CTTN: variants seen among roughly 807,000 people sequenced by gnomAD.
CTTN encodes src substrate cortactin.
CTTN carries 28 observed loss-of-function variants against 84.0 expected under a neutral mutation model. That is an observed-to-expected ratio of 0.33 (90% CI 0.25 to 0.46). The LOEUF is 0.46. Ranked by LOEUF, CTTN falls within the 20% of genes least tolerant of loss-of-function variation. The pLI, the probability that CTTN is intolerant of heterozygous loss-of-function variation, is 1.00. For missense variants in CTTN, 641 were observed against 723.8 expected (o/e 0.89, Z 1.31); for synonymous variants, 301 against 288.8 (o/e 1.04, Z -0.43).
chr11:70,414,498 A>G (rs910079003), intron 5 of CTTN, 44 bp from the exon 6 acceptor site: 10 of 1,400,956 alleles, frequency 7.1e-6, no homozygotes, highest in Non-Finnish European at 9.1e-6. Flanking sequence ...GAAGCGCCGC[A>G]GTGTTGTTGG....
intron 13 of CTTN, among the ~76,000 whole-genome samples, chr11:70,425,675 A>G (rs2058292724): frequency 6.6e-6 from 1 of 152,180 alleles, no homozygotes; most frequent in Non-Finnish European, 1.5e-5. Flanking sequence ...GTGCACATTC[A>G]CAAGGGCCTC....
intron 1 of CTTN, among the ~76,000 whole-genome samples, chr11:70,399,317 G>T (rs1196461525): frequency 6.8e-6 from 1 of 148,124 alleles, no homozygotes; most frequent in Non-Finnish European, 1.5e-5. Context: ...TCGGGGCTCG[G>T]AGGAAAGGTA....
intron 5 of CTTN, among the ~76,000 whole-genome samples, chr11:70,413,206 C>T (rs746917413): frequency 6.6e-5 from 10 of 152,220 alleles, no homozygotes; most frequent in Non-Finnish European, 1.0e-4. Flanking sequence ...GCGTCAGCAC[C>T]GGTGTGGGAT....
At chr11:70,413,268 G>A (rs531447468) in intron 5 of CTTN, among the ~76,000 whole-genome samples, 27 of 152,348 alleles carry the variant, frequency 1.8e-4, no homozygotes, top group Non-Finnish European at 3.1e-4. Flanking sequence ...TAGAGGGAGT[G>A]AGAAGAGGGG....
intron 1 of CTTN, among the ~76,000 whole-genome samples, chr11:70,400,850 C>A (rs61341131): frequency 0.17 from 25,798 of 152,214 alleles, 2,381 homozygotes; most frequent in African/African-American, 0.22. Context: ...CATCTGCTCA[C>A]GCACTGCTTT....
rs1242581865 is a variant in CTTN, at chr11:70,398,608, G to A, written c.-104G>A. 1.3e-5 allele frequency: 2 copies of A among 152,136 alleles called. No individual in the cohort carries two copies. Among genetic ancestry groups the A allele is most frequent in the Non-Finnish European group, 2.9e-5 (2 of 68,056 alleles). 9.4% of individuals were successfully genotyped at this position (152,136 alleles called of 1,614,324 possible). On this transcript the variant is annotated 5_prime_UTR_variant, in exon 1 of 18. Transcript: ENST00000301843. ...GCCGACCCGGGCCGGACCGACCCCA[G>A]GCGGCGGTGAGCGAGCGCGGCGTCC...
At chr11:70,404,456 T>G (rs1257952668) in intron 1 of CTTN, among the ~76,000 whole-genome samples, 1 of 152,128 alleles carries the variant, frequency 6.6e-6, no homozygotes, top group Non-Finnish European at 1.5e-5. Flanking sequence ...GCAGCCCGCC[T>G]CCTCCTCGGC....
rs143852460 is a variant in CTTN, at chr11:70,410,405, A to G, written c.291+445A>G. On this transcript the variant is annotated intron_variant, in intron 5 of 17. Transcript: ENST00000301843. ...GCCAAAGGCCTGGCTAACATCCTTC[A>G]TGCGTTCAGTGACCATCAGAGCAGT... The G allele has an allele frequency of 2.7e-3, 470 of 174,868 alleles. 5 individuals carry two copies. Among genetic ancestry groups the G allele is most frequent in the African/African-American group, 0.01 (447 of 42,786 alleles). 10.8% of individuals were successfully genotyped at this position (174,868 alleles called of 1,614,324 possible). A position where few individuals can be genotyped will look rare whatever the true frequency, so the allele number is the denominator to read the frequency against.
At chr11:70,433,328 G>A in intron 16 of CTTN, 50 bp downstream of exon 16, 1 of 1,529,682 alleles carries the variant, frequency 6.5e-7, no homozygotes, top group South Asian at 1.2e-5. Flanking sequence ...GGAGCTCCCG[G>A]GACATCCTGC....
chr11:70,431,314 G>A (rs2058352148), intron 15 of CTTN, 34 bp downstream of exon 15: 1 of 1,601,564 alleles, frequency 6.2e-7, no homozygotes, highest in Admixed American at 1.7e-5. Flanking sequence ...GAGCGTGAGT[G>A]ACTTACTGCC....
chr11:70,423,461 C>T (rs1463245843), intron 12 of CTTN, among the ~76,000 whole-genome samples: 1 of 152,232 alleles, frequency 6.6e-6, no homozygotes, highest in African/African-American at 2.4e-5. Context: ...ACTGCCTGCT[C>T]CTGCGCGTGG....
chr11:70,402,455 C>G (rs2135546669), intron 1 of CTTN, among the ~76,000 whole-genome samples: 1 of 152,292 alleles, frequency 6.6e-6, no homozygotes, highest in Middle Eastern at 3.4e-3. Flanking sequence ...AAAAAGAAGC[C>G]CTTGTACCTT....
At position 70,435,213 on chromosome 11, in the gene CTTN, C is replaced by G; in HGVS notation, c.*51C>G. The G allele has an allele frequency of 6.7e-7, 1 of 1,502,128 alleles. No individual in the cohort carries two copies. The highest frequency in any genetic ancestry group is 8.8e-7 in the Non-Finnish European group (1 of 1,136,550). 93.0% of individuals were successfully genotyped at this position (1,502,128 alleles called of 1,614,324 possible). A position where few individuals can be genotyped will look rare whatever the true frequency, so the allele number is the denominator to read the frequency against. On this transcript the variant is annotated 3_prime_UTR_variant, in exon 18 of 18. Coordinates refer to ENST00000301843, the MANE Select transcript of CTTN (RefSeq NM_005231.4). ...CGCCCTGGATCCTCACACTACAGATCAGGCCTTCTTTGGTTCTTGGGTGGT... is the reference window on the plus strand; with the variant it reads ...CGCCCTGGATCCTCACACTACAGATGAGGCCTTCTTTGGTTCTTGGGTGGT...
intron 5 of CTTN, among the ~76,000 whole-genome samples, chr11:70,411,141 A>C (rs1169682289): frequency 6.6e-6 from 1 of 152,222 alleles, no homozygotes; most frequent in African/African-American, 2.4e-5. Context: ...TTAGGAGTGT[A>C]AACAGGCAGA....
chr11:70,402,156 GAAAA>G (rs367543854), intron 1 of CTTN, among the ~76,000 whole-genome samples: 4 of 151,108 alleles, frequency 2.6e-5, no homozygotes, highest in Admixed American at 6.6e-5. Flanking sequence ...GTCTGAAAAA[GAAAA>G]AAAAAGTTAT....
At chr11:70,413,669 GC>G (rs2058121606) in intron 5 of CTTN, among the ~76,000 whole-genome samples, 1 of 152,184 alleles carries the variant, frequency 6.6e-6, no homozygotes, top group South Asian at 2.1e-4. Context: ...GCTGATGGGG[GC>G]TGACGACATT....
Position 70,435,015 on chromosome 11 carries a change from C to A in CTTN, c.1517-11C>A. On this transcript the variant is annotated splice_polypyrimidine_tract_variant and intron_variant, in intron 17 of 17. Coordinates refer to ENST00000301843, the MANE Select transcript of CTTN (RefSeq NM_005231.4). ...GCACTTCAGCATCTTTCTCTGTGTT[C>A]TCTTCCCCAGCGGGCGATGATGAGA... is the stretch of plus-strand genomic sequence containing the variant. The A allele has an allele frequency of 6.2e-7, 1 of 1,613,660 alleles. No individual in the cohort carries two copies. The highest frequency in any genetic ancestry group is 1.1e-5 in the South Asian group (1 of 91,062).
intron 7 of CTTN, 87 bp downstream of exon 7, chr11:70,415,804 C>T (rs559274705): frequency 1.2e-5 from 16 of 1,364,604 alleles, no homozygotes; most frequent in East Asian, 6.9e-5. Flanking sequence ...CCCCGCGCTC[C>T]GGGGGCCCTG....
rs114031615 is a variant in CTTN, at chr11:70,434,977, C to T, written c.1517-49C>T. 3,861 of 1,601,418 alleles carry T rather than the reference C, an allele frequency of 2.4e-3. 81 individuals are homozygous for T. In the African/African-American group the frequency reaches 0.046, roughly 19 times the overall value. On this transcript the variant is annotated intron_variant, in intron 17 of 17. Coordinates refer to ENST00000301843, the MANE Select transcript of CTTN (RefSeq NM_005231.4). ...TGGGTTGTGCTTTTTTTCTGGCAGA[C>T]CAGGAAACGCTTGCACTTCAGCATC...
Sources: gnomAD v4.1 joint callset for allele counts (sites outside exome capture counted in the v4.1 genomes callset) on GRCh38, gnomAD v4.1.1 for gene constraint, MANE v1.5 for transcripts, NCBI Gene and HGNC (gene_info 2026-07-23, HGNC 2026-07-21) for gene names.